TMEM209: variants seen among roughly 807,000 people sequenced by gnomAD.
TMEM209 encodes the protein transmembrane protein 209.
A neutral mutation model predicts 76.2 loss-of-function variants in TMEM209; 65 were observed. The observed-to-expected ratio is 0.85, with a 90% CI of 0.70 to 1.05. TMEM209 has a LOEUF of 1.05. Among genes scored for constraint, TMEM209 ranks in the 50% least tolerant of loss-of-function variants. TMEM209 has a pLI of 0.00. For missense variants in TMEM209, 623 were observed against 685.5 expected, an observed-to-expected ratio of 0.91 and a Z score of 1.02; for synonymous variants, 239 against 237.6, an observed-to-expected ratio of 1.01 and a Z score of -0.06.
chr7:130,182,792 C>A (rs552706790), intron 8 of TMEM209, among the ~76,000 whole-genome samples: 77 of 152,160 alleles, frequency 5.1e-4, no homozygotes, highest in Non-Finnish European at 1.0e-3. Flanking sequence ...AAACAAAAAC[C>A]TTCTGGGAAC....
chr7:130,166,457 G>A lies in TMEM209; in HGVS notation c.1680C>T (p.Gly560=), dbSNP rs1306449500. Residue 560 remains glycine, a synonymous_variant, in exon 15 of 15, where the codon GGC becomes GGT. Coordinates refer to ENST00000397622, the MANE Select transcript of TMEM209 (RefSeq NM_032842.4). ...LSGVNILWIF[G]E ...GAATTAAATATATGACTTGCTACTC[G>A]CCAAAGATCCACAATATATTCACAC... 3.2e-6 allele frequency: 5 copies of A among 1,543,368 alleles called. No individual in the cohort carries two copies. Among genetic ancestry groups the A allele is most frequent in the Non-Finnish European group, 3.5e-6 (4 of 1,143,962 alleles).
chr7:130,169,571 T>C (rs563236030), intron 14 of TMEM209, among the ~76,000 whole-genome samples: 1 of 152,344 alleles, frequency 6.6e-6, no homozygotes, highest in Non-Finnish European at 1.5e-5. Flanking sequence ...CTAGTCCTGC[T>C]TCAAGTGTTC....
chr7:130,200,946 G>A (rs557335702), intron 5 of TMEM209, among the ~76,000 whole-genome samples: 17 of 151,926 alleles, frequency 1.1e-4, no homozygotes, highest in African/African-American at 2.9e-4. Flanking sequence ...AAAATTAGCC[G>A]GGCACGGTGG....
intron 4 of TMEM209, 103 bp downstream of exon 4, chr7:130,202,429 T>C: frequency 6.9e-7 from 1 of 1,445,282 alleles, no homozygotes; most frequent in Middle Eastern, 1.8e-4. Flanking sequence ...TTAAGATAGC[T>C]GATGTCCCTT....
At position 130,170,388 on chromosome 7, in the gene TMEM209, A is replaced by T; in HGVS notation, c.1631+12T>A. 1 of 1,601,206 alleles carries T rather than the reference A, an allele frequency of 6.2e-7. No homozygotes were observed. The highest frequency in any genetic ancestry group is 8.5e-7 in the Non-Finnish European group (1 of 1,171,760). Reference sequence around the variant, plus strand: ...AAATAACTACTTACGTTTTTAAAGCATAAGTACCTACCCAAGCATTCCTGA... The same window carrying T: ...AAATAACTACTTACGTTTTTAAAGCTTAAGTACCTACCCAAGCATTCCTGA... On this transcript the variant is annotated intron_variant, in intron 14 of 14. Transcript: ENST00000397622.
intron 6 of TMEM209, among the ~76,000 whole-genome samples, chr7:130,189,125 G>C (rs1301516259): frequency 6.6e-6 from 1 of 152,098 alleles, no homozygotes; most frequent in Non-Finnish European, 1.5e-5. Flanking sequence ...GGTCAGTATT[G>C]GGTCAACTGG....
At chr7:130,198,284 C>T (rs1798059666) in intron 5 of TMEM209, among the ~76,000 whole-genome samples, 1 of 152,098 alleles carries the variant, frequency 6.6e-6, no homozygotes, top group African/African-American at 2.4e-5. Flanking sequence ...CTAACTTTGA[C>T]CTGAATTCTG....
chr7:130,179,146 G>A (rs1440577856), intron 9 of TMEM209, among the ~76,000 whole-genome samples: 1 of 152,054 alleles, frequency 6.6e-6, no homozygotes, highest in Non-Finnish European at 1.5e-5. Flanking sequence ...GCTTAATGAA[G>A]GCAGGGACTT....
intron 5 of TMEM209, among the ~76,000 whole-genome samples, chr7:130,201,457 A>G (rs971167476): frequency 1.3e-5 from 2 of 152,184 alleles, no homozygotes; most frequent in Non-Finnish European, 2.9e-5. Flanking sequence ...TGACAATCTC[A>G]GCTTTTAGCT....
chr7:130,173,933 T>A lies in TMEM209; in HGVS notation c.1351A>T (p.Met451Leu), dbSNP rs1797156769. 1 of 1,601,314 alleles carries A rather than the reference T, an allele frequency of 6.2e-7. No individual in the cohort carries two copies. Among genetic ancestry groups the A allele is most frequent in the Non-Finnish European group, 8.6e-7 (1 of 1,168,560 alleles). Residue 451 changes from methionine (M) to leucine (L), a missense_variant, in exon 12 of 15, where the codon ATG becomes TTG. Transcript: ENST00000397622. ...TCAAGGTAGGTGCAAAATACATGCATGATGATCTGAGGATGAAGAAATAAT... is the reference window on the plus strand; with the variant it reads ...TCAAGGTAGGTGCAAAATACATGCAAGATGATCTGAGGATGAAGAAATAAT... ...TDLPTDSAII[M>L]HVFCTYLDSR...
Position 130,205,360 on chromosome 7 carries a change from C to T in TMEM209, c.3+13G>A. ...CCAAGACAGGAAGCACAAACACGAC[C>T]CCGAAAACGCACCATGTCCTCTGGC... On this transcript the variant is annotated intron_variant, in intron 1 of 14. Coordinates refer to ENST00000397622, the MANE Select transcript of TMEM209 (RefSeq NM_032842.4). The T allele has an allele frequency of 2.5e-6, 4 of 1,613,958 alleles. No homozygotes were observed. Among genetic ancestry groups the T allele is most frequent in the Non-Finnish European group, 3.4e-6 (4 of 1,179,900 alleles).
At chr7:130,190,409 T>C (rs1457211440) in intron 6 of TMEM209, among the ~76,000 whole-genome samples, 1 of 151,636 alleles carries the variant, frequency 6.6e-6, no homozygotes, top group Non-Finnish European at 1.5e-5. Context: ...TCCTAGCTAC[T>C]TGGAAAGCTG....
At chr7:130,173,114 T>TA (rs952102769) in intron 13 of TMEM209, among the ~76,000 whole-genome samples, 1 of 150,472 alleles carries the variant, frequency 6.6e-6, no homozygotes, top group South Asian at 2.1e-4. Flanking sequence ...TTTTAGCCCA[T>TA]AAAAAATATA....
chr7:130,178,513 T>C lies in TMEM209; in HGVS notation c.1135A>G (p.Ser379Gly), dbSNP rs752713615. The change falls in exon 10 of 15, where the codon AGC becomes GGC. Residue 379 changes from serine (S) to glycine (G), a missense_variant. Coordinates refer to ENST00000397622, the MANE Select transcript of TMEM209 (RefSeq NM_032842.4). ...ELQIGEASIT[S>G]LKQAALVKAP... ...TTAACCAGGGCAGCTTGTTTCAAGC[T>C]AGTAATACTAGCCTCTGTTAACATA... 5.6e-6 allele frequency: 9 copies of C among 1,613,692 alleles called. No individual in the cohort carries two copies. The highest frequency in any genetic ancestry group is 6.8e-6 in the Non-Finnish European group (8 of 1,179,744).
intron 7 of TMEM209, among the ~76,000 whole-genome samples, chr7:130,184,461 T>C (rs548912017): frequency 6.6e-6 from 1 of 151,930 alleles, no homozygotes; most frequent in African/African-American, 2.4e-5. Flanking sequence ...TAAAAGTTCC[T>C]TACATTGGTA....
intron 9 of TMEM209, 62 bp from the exon 10 acceptor site, chr7:130,178,589 A>C (rs920203476): frequency 5.0e-6 from 8 of 1,589,996 alleles, no homozygotes; most frequent in African/African-American, 4.0e-5. Flanking sequence ...AAAGAACTTA[A>C]AATGCTCTTC....
chr7:130,170,995 AT>A (rs989978549), intron 13 of TMEM209, among the ~76,000 whole-genome samples: 8 of 148,646 alleles, frequency 5.4e-5, no homozygotes, highest in East Asian at 2.0e-4. Flanking sequence ...TGCCCGGCTA[AT>A]TTTTTTTTTG....
At position 130,178,436 on chromosome 7, in the gene TMEM209, A is replaced by G; in HGVS notation, c.1212T>C (p.Thr404=). The change falls in exon 10 of 15, where the codon ACT becomes ACC. Residue 404 remains threonine (T), a synonymous_variant. Transcript: ENST00000397622. ...LNTIVQYLDL[T]PNQEYLFERI... is the part of the protein sequence containing the mutation. ...TTTCAAACAAGTATTCCTGATTTGG[A>G]GTAAGGTCTAGATACTGAACGATTG... The G allele has an allele frequency of 6.2e-7, 1 of 1,613,198 alleles. No homozygotes were observed. The highest frequency in any genetic ancestry group is 8.5e-7 in the Non-Finnish European group (1 of 1,179,512).
intron 9 of TMEM209, among the ~76,000 whole-genome samples, chr7:130,180,660 C>T (rs1259861058): frequency 3.3e-5 from 5 of 152,116 alleles, no homozygotes; most frequent in African/African-American, 1.2e-4. Context: ...TGAGCCACCG[C>T]GCCCGGCCAA....
Sources: gnomAD v4.1 joint callset for allele counts (sites outside exome capture counted in the v4.1 genomes callset) on GRCh38, gnomAD v4.1.1 for gene constraint, MANE v1.5 for transcripts, NCBI Gene and HGNC (gene_info 2026-07-23, HGNC 2026-07-21) for gene names.